Variants in ANXA8 observed in about 807,000 individuals in gnomAD.
ANXA8 encodes the protein annexin A8.
In ANXA8, 9 loss-of-function variants were observed where a neutral mutation model predicts 26.8. That is an observed-to-expected ratio of 0.34 (90% CI 0.20 to 0.59). The LOEUF (loss-of-function observed/expected upper bound fraction) is 0.59, where lower values mean the gene tolerates loss of function less well. ANXA8 is among the 20% of genes least tolerant of loss of function. The pLI is 0.84. For synonymous variants in ANXA8, 39 were observed against 94.8 expected (o/e 0.41, Z 3.42); for missense variants, 83 against 238.5 (o/e 0.35, Z 4.29).
the ANXA8 span, among the ~76,000 whole-genome samples, chr10:47,617,029 C>T: frequency 7.7e-3 from 555 of 72,180 alleles, 158 homozygotes; most frequent in African/African-American, 0.022. Context: ...AAAGGAAATT[C>T]TGTATCCATG....
At chr10:47,664,408 A>G in the ANXA8 span, among the ~76,000 whole-genome samples, 1 of 151,492 alleles carries the variant, frequency 6.6e-6, no homozygotes, top group Non-Finnish European at 1.5e-5. Flanking sequence ...ATAAAAATAA[A>G]AATACAAAAA....
the ANXA8 span, among the ~76,000 whole-genome samples, chr10:47,503,774 A>G: frequency 1.5e-5 from 2 of 135,392 alleles, no homozygotes; most frequent in East Asian, 2.8e-4. Flanking sequence ...AAAAAAAAAA[A>G]GAAAAAAAAA....
At chr10:47,615,459 A>C in the ANXA8 span, among the ~76,000 whole-genome samples, 1 of 72,856 alleles carries the variant, frequency 1.4e-5, no homozygotes, top group African/African-American at 4.0e-5. Flanking sequence ...CCCCATCTTC[A>C]TGGGAAGACA....
intron 11 of ANXA8, among the ~76,000 whole-genome samples, chr10:47,469,951 T>C (rs1839272978): frequency 6.6e-6 from 1 of 151,546 alleles, no homozygotes; most frequent in Non-Finnish European, 1.5e-5. Flanking sequence ...CAGTCCTAGC[T>C]CACGGCAGCC....
the ANXA8 span, among the ~76,000 whole-genome samples, chr10:47,558,393 T>C: frequency 6.6e-6 from 1 of 151,884 alleles, no homozygotes; most frequent in Non-Finnish European, 1.5e-5. Context: ...GCCCATTCAC[T>C]ATCTAGCTTA....
rs1172695218 is a variant in ANXA8 at position 47,484,079 on chromosome 10, G to A, written c.-146C>T. The A allele has an allele frequency of 6.6e-5, 105 of 1,597,636 alleles. No homozygotes were observed. The highest frequency in any genetic ancestry group is 2.3e-4 in the Middle Eastern group (1 of 4,404). On this transcript the variant is annotated 5_prime_UTR_variant, in exon 1 of 12. Coordinates refer to ENST00000585281, the MANE Select transcript of ANXA8 (RefSeq NM_001040084.3). Reference sequence around the variant, plus strand: ...GGGGTGCAAGCCCGCCCAGGGCAGCGCCACACCTGCCTGCCGTCCCCTCGC... The same window carrying A: ...GGGGTGCAAGCCCGCCCAGGGCAGCACCACACCTGCCTGCCGTCCCCTCGC...
chr10:47,972,278 C>T, the ANXA8 span, among the ~76,000 whole-genome samples: 1 of 151,724 alleles, frequency 6.6e-6, no homozygotes. Context: ...CTCATTCCTT[C>T]CTCATTATGT....
chr10:47,506,844 T>G, the ANXA8 span, among the ~76,000 whole-genome samples: 1 of 137,422 alleles, frequency 7.3e-6, no homozygotes, highest in Non-Finnish European at 1.6e-5. Context: ...TTTCGCCGTG[T>G]TAGCCAGGAT....
chr10:47,982,212 C>T, the ANXA8 span, among the ~76,000 whole-genome samples: 1 of 149,684 alleles, frequency 6.7e-6, no homozygotes, highest in Non-Finnish European at 1.5e-5. Flanking sequence ...ATCACTTGAG[C>T]CCAAGAGGTC....
chr10:47,949,618 G>A, the ANXA8 span, among the ~76,000 whole-genome samples: 1 of 150,734 alleles, frequency 6.6e-6, no homozygotes, highest in Non-Finnish European at 1.5e-5. Flanking sequence ...ATGATAGCAT[G>A]ATGGACAGAA....
chr10:47,674,286 C>A, the ANXA8 span, among the ~76,000 whole-genome samples: 1 of 150,848 alleles, frequency 6.6e-6, no homozygotes, highest in African/African-American at 2.5e-5. Flanking sequence ...TGCATGCCAC[C>A]ACACCTGGCT....
upstream of ANXA8, among the ~76,000 whole-genome samples, chr10:47,488,565 A>G (rs1433420621): frequency 1.3e-5 from 2 of 151,182 alleles, no homozygotes; most frequent in African/African-American, 4.9e-5. Flanking sequence ...TAGTAAGTTA[A>G]TAAATTCATT....
chr10:47,700,018 A>C, the ANXA8 span, among the ~76,000 whole-genome samples: 4 of 152,072 alleles, frequency 2.6e-5, no homozygotes, highest in Admixed American at 2.6e-4. Context: ...AGACATGAAT[A>C]AATGGAAAGA....
chr10:47,652,927 G>A, the ANXA8 span, among the ~76,000 whole-genome samples: 2 of 151,296 alleles, frequency 1.3e-5, no homozygotes, highest in Non-Finnish European at 2.9e-5. Context: ...AGTCTGAGTA[G>A]TGATTTTATA....
chr10:47,510,116 C>G, the ANXA8 span: 1 of 1,251,942 alleles, frequency 8.0e-7, no homozygotes, highest in Non-Finnish European at 1.1e-6. Context: ...AACCAAATGG[C>G]TGAAATAATT....
chr10:47,697,173 A>G, the ANXA8 span, among the ~76,000 whole-genome samples: 1 of 152,204 alleles, frequency 6.6e-6, no homozygotes, highest in African/African-American at 2.4e-5. Context: ...CTGGACTCAG[A>G]TAGACCAGGA....
chr10:47,741,253 A>G, the ANXA8 span, among the ~76,000 whole-genome samples: 147 of 75,922 alleles, frequency 1.9e-3, no homozygotes, highest in Non-Finnish European at 3.1e-3. Context: ...TGTATTATTG[A>G]TATTTCAAAG....
In ANXA8 at chr10:47,483,966, G is replaced by T; in HGVS notation, c.-33C>A. On this transcript the variant is annotated 5_prime_UTR_variant, in exon 1 of 12. Transcript: ENST00000585281. ...ACCTCGGGGGCACCTTTCCCAGGGA[G>T]ATGAAGAGACACAGGTTGGCCTCTG... 1 of 1,611,682 alleles carries T rather than the reference G, an allele frequency of 6.2e-7. No homozygotes were observed. The highest frequency in any genetic ancestry group is 8.5e-7 in the Non-Finnish European group (1 of 1,179,856).
chr10:47,672,467 G>A, the ANXA8 span, among the ~76,000 whole-genome samples: 1 of 151,480 alleles, frequency 6.6e-6, no homozygotes, highest in African/African-American at 2.4e-5. Flanking sequence ...ATAACTTTCT[G>A]TTTAGTTAAT....
Sources: allele counts gnomAD v4.1 joint callset (sites outside exome capture counted in the v4.1 genomes callset), GRCh38; gene constraint gnomAD v4.1.1; transcripts MANE v1.5; gene names NCBI Gene and HGNC (gene_info 2026-07-23, HGNC 2026-07-21).